WWP1: variants seen among roughly 807,000 people sequenced by gnomAD.
WWP1 encodes WW domain containing E3 ubiquitin protein ligase 1, also known as NEDD4-like E3 ubiquitin-protein ligase WWP1.
Under a neutral mutation model 130.6 loss-of-function variants are expected in WWP1, and 49 were observed. That is an observed-to-expected ratio of 0.38 (90% CI 0.30 to 0.48). The LOEUF (loss-of-function observed/expected upper bound fraction) is 0.48, where lower values mean the gene tolerates loss of function less well. WWP1 is among the 20% of genes least tolerant of loss of function. The probability of loss-of-function intolerance (pLI) is 0.99; values close to 1 mark genes in which losing one functional copy is unlikely to be tolerated. For synonymous variants in WWP1, 332 were observed against 367.8 expected, an observed-to-expected ratio of 0.90 and a Z score of 1.11; for missense variants, 809 against 1,100.6, an observed-to-expected ratio of 0.74 and a Z score of 3.75.
intron 20 of WWP1, among the ~76,000 whole-genome samples, chr8:86,451,721 C>CT (rs1458858810): frequency 1.3e-5 from 2 of 152,136 alleles, no homozygotes; most frequent in African/African-American, 4.8e-5. Context: ...AACAGCTTGG[C>CT]TTTCTCTTCA....
In WWP1 at chr8:86,466,986, C is replaced by A; in HGVS notation, c.*93C>A. 1.1e-6 allele frequency: 1 copy of A among 885,666 alleles called. No individual in the cohort carries two copies. The highest frequency in any genetic ancestry group is 1.8e-5 in the African/African-American group (1 of 56,772). The allele number at this position is 885,666 out of a possible 1,614,324, so 54.9% of individuals were successfully genotyped here. On this transcript the variant is annotated 3_prime_UTR_variant, in exon 25 of 25. Coordinates refer to ENST00000517970, the MANE Select transcript of WWP1 (RefSeq NM_007013.4). ...GTGTATATAAGCTGTTCATTCTGTA[C>A]AGTGAATTTTCCGAACCTCTCAAAG...
At chr8:86,373,510 T>A (rs558579052) in intron 2 of WWP1, among the ~76,000 whole-genome samples, 2 of 152,286 alleles carry the variant, frequency 1.3e-5, no homozygotes, top group East Asian at 3.9e-4. Context: ...TTTTATTTTG[T>A]CTTGTCTGGA....
intron 9 of WWP1, among the ~76,000 whole-genome samples, chr8:86,421,505 G>A (rs1256617912): frequency 1.3e-4 from 2 of 15,022 alleles, no homozygotes; most frequent in African/African-American, 8.7e-4. Context: ...GTTCTTTTTT[G>A]GGGGGGTTCT....
intron 17 of WWP1, among the ~76,000 whole-genome samples, 196 bp downstream of exon 17, chr8:86,438,869 TGTA>T (rs2130710257): frequency 6.6e-6 from 1 of 152,290 alleles, no homozygotes; most frequent in Admixed American, 6.5e-5. Context: ...TTTACATATA[TGTA>T]AATTTGTATA....
chr8:86,462,952 A>T (rs1238010785), intron 24 of WWP1, among the ~76,000 whole-genome samples: 2 of 152,182 alleles, frequency 1.3e-5, no homozygotes, highest in Non-Finnish European at 2.9e-5. Context: ...AACTTTATTA[A>T]ATCTTGATGC....
intron 8 of WWP1, among the ~76,000 whole-genome samples, chr8:86,409,538 T>C (rs1183238740): frequency 6.7e-6 from 1 of 149,268 alleles, no homozygotes; most frequent in Non-Finnish European, 1.5e-5. Flanking sequence ...CCAGCCCTGA[T>C]TTTACTTTAT....
chr8:86,460,848 C>T (rs200680953), intron 22 of WWP1, among the ~76,000 whole-genome samples: 3 of 116,834 alleles, frequency 2.6e-5, no homozygotes, highest in Non-Finnish European at 5.0e-5. Context: ...CTTGCTCTGT[C>T]GCCCAGGCTG....
At chr8:86,362,176 A>ATATATATATAT (rs1823696265) in intron 1 of WWP1, among the ~76,000 whole-genome samples, 1 of 122,322 alleles carries the variant, frequency 8.2e-6, no homozygotes, top group Non-Finnish European at 1.7e-5. Context: ...ATATATATAT[A>ATATATATATAT]TATATATATA....
intron 1 of WWP1, among the ~76,000 whole-genome samples, chr8:86,364,675 G>A (rs1461477066): frequency 2.6e-5 from 4 of 152,046 alleles, no homozygotes; most frequent in South Asian, 4.1e-4. Flanking sequence ...GCATGGTGGT[G>A]CGTGCCTGTA....
chr8:86,410,688 C>T (rs1230279442), intron 8 of WWP1, among the ~76,000 whole-genome samples: 5 of 138,594 alleles, frequency 3.6e-5, no homozygotes. Flanking sequence ...GACCAAAATT[C>T]ATTTTCTTCT....
chr8:86,465,917 C>G (rs895840365), intron 24 of WWP1, among the ~76,000 whole-genome samples: 7 of 152,116 alleles, frequency 4.6e-5, no homozygotes, highest in Admixed American at 2.0e-4. Flanking sequence ...TTCAAAGGCT[C>G]TTTCCTGACT....
At chr8:86,435,380 C>G in intron 14 of WWP1, 72 bp from the exon 15 acceptor site, 1 of 1,499,084 alleles carries the variant, frequency 6.7e-7, no homozygotes, top group South Asian at 1.2e-5. Flanking sequence ...TTAGTACACT[C>G]TGATTTTATA....
At chr8:86,365,251 A>G (rs542843402) in intron 1 of WWP1, among the ~76,000 whole-genome samples, 4 of 152,224 alleles carry the variant, frequency 2.6e-5, no homozygotes, top group East Asian at 3.9e-4. Context: ...AGAAAAATAC[A>G]TTTTTCTCAT....
chr8:86,347,478 C>CA (rs1822653604), intron 1 of WWP1, among the ~76,000 whole-genome samples: 1 of 152,120 alleles, frequency 6.6e-6, no homozygotes, highest in Non-Finnish European at 1.5e-5. Flanking sequence ...TAGTTAAGAG[C>CA]TGTATGTGAA....
At position 86,344,322 on chromosome 8, in the gene WWP1, A is replaced by G. The variant is rs150689462; in HGVS notation, c.-115+1392A>G. Among the ~76,000 whole-genome samples the G allele has an allele frequency of 3.9e-5, 6 of 152,358 alleles. No individual in the cohort carries two copies. The East Asian group carries it at 9.6e-4, about 24-fold the overall frequency. ...GATCTACATCAGGGTTTTGAAAAGC[A>G]ATAATTATGAGCTACCGGCATAATA... On this transcript the variant is annotated intron_variant, in intron 1 of 24. Transcript: ENST00000517970.
intron 11 of WWP1, 80 bp downstream of exon 11, chr8:86,427,897 C>T: frequency 1.5e-6 from 2 of 1,373,924 alleles, no homozygotes; most frequent in Non-Finnish European, 9.8e-7. Flanking sequence ...TATCCCTTGA[C>T]CATAATCACA....
At chr8:86,458,858 G>A (rs796318518) in intron 22 of WWP1, among the ~76,000 whole-genome samples, 5 of 152,208 alleles carry the variant, frequency 3.3e-5, no homozygotes, top group Non-Finnish European at 5.9e-5. Flanking sequence ...TTCAACGTGT[G>A]TAAAGTGGCA....
At chr8:86,424,650 C>T (rs1048285277) in intron 9 of WWP1, among the ~76,000 whole-genome samples, 4 of 151,874 alleles carry the variant, frequency 2.6e-5, no homozygotes, top group Admixed American at 1.3e-4. Flanking sequence ...CAAAAAAATA[C>T]GAAAACCAGT....
chr8:86,433,039 ATGATCTTCACATTG>A (rs1563528958), intron 14 of WWP1, among the ~76,000 whole-genome samples: 1 of 152,174 alleles, frequency 6.6e-6, no homozygotes, highest in East Asian at 1.9e-4. Flanking sequence ...AAGGGCACCA[ATGATCTTCACATTG>A]TTAATCCAGG....
Sources: gnomAD v4.1 joint callset for allele counts (sites outside exome capture counted in the v4.1 genomes callset) on GRCh38, gnomAD v4.1.1 for gene constraint, MANE v1.5 for transcripts, NCBI Gene and HGNC (gene_info 2026-07-23, HGNC 2026-07-21) for gene names.